Variants in ACOX3 observed in about 807,000 individuals in gnomAD.
ACOX3 encodes peroxisomal acyl-coenzyme A oxidase 3.
ACOX3 carries 73 observed loss-of-function variants against 81.5 expected under a neutral mutation model. The ratio of observed to expected loss-of-function variants is 0.90; its 90% CI spans 0.74 to 1.09. The LOEUF is 1.09. Ranked by LOEUF, ACOX3 falls within the 50% of genes least tolerant of loss-of-function variation. The probability of loss-of-function intolerance (pLI) is 0.00; values close to 1 mark genes in which losing one functional copy is unlikely to be tolerated. For synonymous variants in ACOX3, 387 were observed against 375.1 expected, an observed-to-expected ratio of 1.03 and a Z score of -0.37; for missense variants, 947 against 928.0, an observed-to-expected ratio of 1.02 and a Z score of -0.27.
At chr4:8,379,573 G>A (rs1717383632) in intron 14 of ACOX3, among the ~76,000 whole-genome samples, 1 of 152,168 alleles carries the variant, frequency 6.6e-6, no homozygotes, top group Admixed American at 6.5e-5. Flanking sequence ...CAGGTGAGGA[G>A]GGGTTTCTCA....
At chr4:8,373,232 A>G (rs568628930) in intron 16 of ACOX3, among the ~76,000 whole-genome samples, 1 of 152,010 alleles carries the variant, frequency 6.6e-6, no homozygotes, top group South Asian at 2.1e-4. Flanking sequence ...TCTTTTGCAA[A>G]AATTTCTGAT....
chr4:8,398,494 T>C (rs1032260411), intron 8 of ACOX3, among the ~76,000 whole-genome samples: 2 of 152,142 alleles, frequency 1.3e-5, no homozygotes, highest in Admixed American at 1.3e-4. Flanking sequence ...TCTTTCCTTC[T>C]CTTTTGAGAC....
chr4:8,388,720 G>A (rs763815262), intron 13 of ACOX3, among the ~76,000 whole-genome samples: 8 of 152,202 alleles, frequency 5.3e-5, no homozygotes, highest in South Asian at 2.1e-4. Context: ...AAGGAGGTGC[G>A]GGAGGTGCGC....
rs1162925023 is a variant in ACOX3 at position 8,431,723 on chromosome 4, C to T, written c.-15+8925G>A. On this transcript the variant is annotated intron_variant, in intron 1 of 17. Transcript: ENST00000356406. This position sits in a 1 kb window ranked among gnomAD's most constrained non-coding sequence, Gnocchi z 5.3. The stretch of plus-strand genomic sequence containing the variant: ...CATCAGTAACTCAGTGGACAATGAC[C>T]CACGGGAGCACTGCCATAGGGCCTC... 6.6e-6 allele frequency among the ~76,000 whole-genome samples: 1 copy of T among 152,172 alleles called. No individual in the cohort carries two copies. The highest frequency in any genetic ancestry group is 6.5e-5 in the Admixed American group (1 of 15,282).
At chr4:8,397,543 T>C (rs939268960) in intron 8 of ACOX3, among the ~76,000 whole-genome samples, 1 of 152,230 alleles carries the variant, frequency 6.6e-6, no homozygotes, top group Non-Finnish European at 1.5e-5. Flanking sequence ...CCAGGGGGTT[T>C]CACGGACACC....
rs907578048 is a variant in ACOX3, at chr4:8,373,326, C to T, written c.1896+235G>A. Among the ~76,000 whole-genome samples the T allele has an allele frequency of 4.0e-5, 6 of 151,862 alleles. No individual in the cohort carries two copies. The East Asian group carries it at 9.7e-4, about 24-fold the overall frequency. ...TTTGGGTTGCAAAGGCGGTGTGTGTCGGCTCATGGGTGACGCTAAGGCGGT... is the reference window on the plus strand; with the variant it reads ...TTTGGGTTGCAAAGGCGGTGTGTGTTGGCTCATGGGTGACGCTAAGGCGGT... On this transcript the variant is annotated intron_variant, in intron 16 of 17. Coordinates refer to ENST00000356406, the MANE Select transcript of ACOX3 (RefSeq NM_003501.3).
chr4:8,389,398 C>T lies in ACOX3; in HGVS notation c.1424-112G>A, dbSNP rs1718696815. 1.6e-6 allele frequency: 2 copies of T among 1,286,908 alleles called. No homozygotes were observed. Among genetic ancestry groups the T allele is most frequent in the Admixed American group, 2.1e-5 (1 of 46,966 alleles). The allele number at this position is 1,286,908 out of a possible 1,614,324, so 79.7% of individuals were successfully genotyped here. A position where few individuals can be genotyped will look rare whatever the true frequency, so the allele number is the denominator to read the frequency against. On this transcript the variant is annotated intron_variant, in intron 12 of 17. Coordinates refer to ENST00000356406, the MANE Select transcript of ACOX3 (RefSeq NM_003501.3). The surrounding 1 kb of genome is among the most constrained non-coding windows in gnomAD (Gnocchi z 5.3). ...GAGTGTCCAGAGGACCCGACGGCCACAGACCCACAGGCGAGGGTCTGGGTC... is the reference window on the plus strand; with the variant it reads ...GAGTGTCCAGAGGACCCGACGGCCATAGACCCACAGGCGAGGGTCTGGGTC...
chr4:8,390,898 T>C (rs1050049251), intron 11 of ACOX3, among the ~76,000 whole-genome samples: 2 of 152,186 alleles, frequency 1.3e-5, no homozygotes, highest in African/African-American at 4.8e-5. Context: ...ACGTAACAGG[T>C]TGGCCACTGA....
intron 1 of ACOX3, among the ~76,000 whole-genome samples, chr4:8,418,686 C>T (rs563638254): frequency 2.0e-5 from 3 of 151,806 alleles, no homozygotes; most frequent in Non-Finnish European, 4.4e-5. Flanking sequence ...ACGGTGAAAC[C>T]CCATCGCTAC....
At position 8,370,880 on chromosome 4, in the gene ACOX3, C is replaced by T; in HGVS notation, c.1983+28G>A. 1.9e-6 allele frequency: 3 copies of T among 1,605,676 alleles called. No individual in the cohort carries two copies. The highest frequency in any genetic ancestry group is 2.6e-6 in the Non-Finnish European group (3 of 1,173,464). On this transcript the variant is annotated intron_variant, in intron 17 of 17. Transcript: ENST00000356406. This position sits in a 1 kb window ranked among gnomAD's most constrained non-coding sequence, Gnocchi z 6.3. Reference sequence around the variant, plus strand: ...GAAATGCCCATCAACCCTTGGGGCACTCCCGTGAGGCCCTGTCCTCCCTTT... The same window carrying T: ...GAAATGCCCATCAACCCTTGGGGCATTCCCGTGAGGCCCTGTCCTCCCTTT...
intron 5 of ACOX3, among the ~76,000 whole-genome samples, chr4:8,412,768 G>A (rs1233043905): frequency 1.3e-5 from 2 of 151,990 alleles, no homozygotes; most frequent in Non-Finnish European, 2.9e-5. Context: ...GCAGGGCCAG[G>A]GAACAGAACA....
chr4:8,390,068 A>G lies in ACOX3; in HGVS notation c.1301-334T>C, dbSNP rs1718783822. Among the ~76,000 whole-genome samples the G allele has an allele frequency of 3.5e-5, 5 of 143,172 alleles. No individual in the cohort carries two copies. The South Asian group carries it at 8.7e-4, about 25-fold the overall frequency. 93.9% of individuals were successfully genotyped at this position (143,172 alleles called of 152,430 possible). ...CAGTGAGCCGAGATTGCGCAACTGC[A>G]CTCCAGCCCGGGTGACAGAGCAAGA... On this transcript the variant is annotated intron_variant, in intron 11 of 17. Transcript: ENST00000356406.
Position 8,423,514 on chromosome 4 carries a change from C to T in ACOX3, c.-14-6979G>A, listed in dbSNP as rs1723167670. On this transcript the variant is annotated intron_variant, in intron 1 of 17. Coordinates refer to ENST00000356406, the MANE Select transcript of ACOX3 (RefSeq NM_003501.3). This position sits in a 1 kb window ranked among gnomAD's most constrained non-coding sequence, Gnocchi z 4.2. ...AGGACTCCAAAAGATTGTTAAGGAC[C>T]TAAAAGCCCAAGGCCTAGTAAAACC... Among the ~76,000 whole-genome samples, 1 of 152,130 alleles carries T rather than the reference C, an allele frequency of 6.6e-6. No homozygotes were observed. Among genetic ancestry groups the T allele is most frequent in the Admixed American group, 6.5e-5 (1 of 15,274 alleles).
rs1578966679 is a variant in ACOX3 at position 8,414,182 on chromosome 4, A to C, written c.543+110T>G. The stretch of plus-strand genomic sequence containing the variant: ...GGTATTTCTACACAAGTGTATGTGG[A>C]CAGGCCTCTTGCTTTAATGTTTTTT... On this transcript the variant is annotated intron_variant, in intron 5 of 17. Coordinates refer to ENST00000356406, the MANE Select transcript of ACOX3 (RefSeq NM_003501.3). The surrounding 1 kb of genome is among the most constrained non-coding windows in gnomAD (Gnocchi z 6.1). 1 of 905,972 alleles carries C rather than the reference A, an allele frequency of 1.1e-6. No homozygotes were observed. Among genetic ancestry groups the C allele is most frequent in the Non-Finnish European group, 1.8e-6 (1 of 559,746 alleles). 56.1% of individuals were successfully genotyped at this position (905,972 alleles called of 1,614,324 possible).
intron 17 of ACOX3, among the ~76,000 whole-genome samples, chr4:8,369,901 G>A (rs1036286171): frequency 5.3e-5 from 8 of 152,244 alleles, no homozygotes; most frequent in Non-Finnish European, 8.8e-5. Flanking sequence ...CATGGGACAT[G>A]AGCATTGACA....
At position 8,381,730 on chromosome 4, in the gene ACOX3, C is replaced by T. The variant is rs1014911931; in HGVS notation, c.1538-123G>A. 9.9e-6 allele frequency: 7 copies of T among 705,250 alleles called. No homozygotes were observed. Among genetic ancestry groups the T allele is most frequent in the South Asian group, 7.0e-5 (4 of 56,932 alleles). The allele number at this position is 705,250 out of a possible 1,614,324, so 43.7% of individuals were successfully genotyped here. On this transcript the variant is annotated intron_variant, in intron 13 of 17. Coordinates refer to ENST00000356406, the MANE Select transcript of ACOX3 (RefSeq NM_003501.3). The surrounding 1 kb of genome is among the most constrained non-coding windows in gnomAD (Gnocchi z 4.3). ...GGTACCAGGTTGTCTTCATTGACAACCAAGTGTATGGGGTGGGTCTGATTT... is the reference window on the plus strand; with the variant it reads ...GGTACCAGGTTGTCTTCATTGACAATCAAGTGTATGGGGTGGGTCTGATTT...
At chr4:8,391,302 G>A (rs546567570) in intron 11 of ACOX3, among the ~76,000 whole-genome samples, 5 of 152,336 alleles carry the variant, frequency 3.3e-5, no homozygotes, top group African/African-American at 1.2e-4. Context: ...GTTGCTAACA[G>A]CCCATGCTGG....
intron 17 of ACOX3, among the ~76,000 whole-genome samples, chr4:8,369,830 G>A (rs185610814): frequency 6.6e-5 from 10 of 152,314 alleles, no homozygotes; most frequent in African/African-American, 1.9e-4. Flanking sequence ...ACTCAGTTGC[G>A]GGGCCAGGGG....
chr4:8,395,044 G>A (rs976993959), intron 9 of ACOX3, among the ~76,000 whole-genome samples: 3 of 152,142 alleles, frequency 2.0e-5, no homozygotes, highest in Non-Finnish European at 2.9e-5. Context: ...GTCTATCTGT[G>A]AATTAAGAAG....
Sources: gnomAD v4.1 joint callset for allele counts (sites outside exome capture counted in the v4.1 genomes callset) on GRCh38, gnomAD v4.1.1 for gene constraint, Gnocchi (gnomAD v3.1) non-coding constraint, MANE v1.5 for transcripts, NCBI Gene and HGNC (gene_info 2026-07-23, HGNC 2026-07-21) for gene names.